The following RYR3 variants were observed in gnomAD, a reference collection of about 807,000 sequenced individuals.
RYR3 encodes ryanodine receptor 3, also known as brain ryanodine receptor-calcium release channel.
In RYR3, 207 loss-of-function variants were observed where a neutral mutation model predicts 584.3. The observed-to-expected ratio is 0.35, with a 90% CI of 0.32 to 0.40. The LOEUF is 0.40. Ranked by LOEUF, RYR3 falls within the 10% of genes least tolerant of loss-of-function variation. The probability of loss-of-function intolerance (pLI) is 1.00; values close to 1 mark genes in which losing one functional copy is unlikely to be tolerated. For missense variants in RYR3, 5,616 were observed against 6,089.2 expected (o/e 0.92, Z 2.59); for synonymous variants, 2,416 against 2,248.5 (o/e 1.07, Z -2.11).
intron 38 of RYR3, among the ~76,000 whole-genome samples, chr15:33,685,625 TC>T (rs2064952939): frequency 1.3e-5 from 2 of 152,290 alleles, no homozygotes; most frequent in Middle Eastern, 3.4e-3. Context: ...CTACCCCAAA[TC>T]AACAGAATAT....
rs1489748795 is a variant in RYR3, at chr15:33,601,413, C to T, written c.1789-6C>T. 6.2e-7 allele frequency: 1 copy of T among 1,611,622 alleles called. No individual in the cohort carries two copies. Among genetic ancestry groups the T allele is most frequent in the Non-Finnish European group, 8.5e-7 (1 of 1,179,022 alleles). On this transcript the variant is annotated splice_region_variant and splice_polypyrimidine_tract_variant and intron_variant, in intron 16 of 103. Coordinates refer to ENST00000634891, the MANE Select transcript of RYR3 (RefSeq NM_001036.6). ...CCTAAGGTTTGGTGGGTGTGTCCTG[C>T]TGCAGGTTCTGGATATCCTGTGCTC...
intron 65 of RYR3, among the ~76,000 whole-genome samples, chr15:33,780,744 C>G (rs2152901614): frequency 6.6e-6 from 1 of 152,260 alleles, no homozygotes; most frequent in Middle Eastern, 3.4e-3. Context: ...CTCTTCAAGT[C>G]CATGGAGAGG....
chr15:33,595,674 G>A (rs2059335858), intron 16 of RYR3, among the ~76,000 whole-genome samples: 1 of 152,128 alleles, frequency 6.6e-6, no homozygotes, highest in African/African-American at 2.4e-5. Context: ...CTGAAGATGA[G>A]CCTTCAATTG....
In RYR3 at chr15:33,649,056, T is replaced by G; in HGVS notation, c.3979-16T>G. On this transcript the variant is annotated splice_polypyrimidine_tract_variant and intron_variant, in intron 30 of 103. Transcript: ENST00000634891. Reference sequence around the variant, plus strand: ...GGGCTGGGGGCCATTGACTCCCCTCTGCGGTCTCTCCACAGCAGTGCTACT... The same window carrying G: ...GGGCTGGGGGCCATTGACTCCCCTCGGCGGTCTCTCCACAGCAGTGCTACT... 1.2e-6 allele frequency: 2 copies of G among 1,601,488 alleles called. No homozygotes were observed. The highest frequency in any genetic ancestry group is 1.7e-6 in the Non-Finnish European group (2 of 1,170,968).
intron 1 of RYR3, among the ~76,000 whole-genome samples, chr15:33,432,597 T>C (rs1266235730): frequency 2.0e-5 from 3 of 150,102 alleles, no homozygotes; most frequent in Admixed American, 6.6e-5. Flanking sequence ...ATTTTTCTTT[T>C]TTTCTTTCTT....
chr15:33,711,235 A>ATTTTTTTTTTTT (rs143373949), intron 43 of RYR3, among the ~76,000 whole-genome samples: 1 of 75,790 alleles, frequency 1.3e-5, no homozygotes. Flanking sequence ...TCTTTCTTTC[A>ATTTTTTTTTTTT]TTTTTTTTTT....
In RYR3 at chr15:33,533,349, C is replaced by T. The variant is rs183923528; in HGVS notation, c.393C>T (p.Asp131=). The change falls in exon 5 of 104, where the codon GAC becomes GAT. Residue 131 remains aspartate (D), a synonymous_variant. Coordinates refer to ENST00000634891, the MANE Select transcript of RYR3 (RefSeq NM_001036.6). ...TGACTACATCAAGATCCCAGACAGA[C>T]AAACTTGCCTTTGATGTAGGTCTAC... ...TCLTTSRSQT[D]KLAFDVGLRE... The T allele has an allele frequency of 3.1e-6, 5 of 1,609,236 alleles. No homozygotes were observed. In the Admixed American group the frequency reaches 8.4e-5, roughly 27 times the overall value.
At position 33,663,698 on chromosome 15, in the gene RYR3, C is replaced by A. The variant is rs1264054610; in HGVS notation, c.5580C>A (p.Ala1860=). ...TGAACATGTCTGCGGCCCTGACTGC[C>A]CGGAAGACCAAGGAGTTCCGCTCAC... ...QALNMSAALT[A]RKTKEFRSPP... Residue 1860 remains alanine (A), a synonymous_variant, in exon 36 of 104, where the codon GCC becomes GCA. Coordinates refer to ENST00000634891, the MANE Select transcript of RYR3 (RefSeq NM_001036.6). The A allele has an allele frequency of 1.2e-6, 2 of 1,610,980 alleles. No homozygotes were observed. The highest frequency in any genetic ancestry group is 1.7e-6 in the Non-Finnish European group (2 of 1,179,086).
At chr15:33,770,699 C>T (rs2073497998) in intron 62 of RYR3, among the ~76,000 whole-genome samples, 1 of 151,916 alleles carries the variant, frequency 6.6e-6, no homozygotes, top group African/African-American at 2.4e-5. Flanking sequence ...GAGGTCACTG[C>T]ACTCCAGCCT....
At chr15:33,325,791 CTCTTTTCATT>C (rs1969620790) in intron 1 of RYR3, among the ~76,000 whole-genome samples, 1 of 119,168 alleles carries the variant, frequency 8.4e-6, no homozygotes. Flanking sequence ...CTTTTCTTTT[CTCTTTTCATT>C]TCTTTTCTTC....
rs79797671 is a variant in RYR3 at position 33,376,370 on chromosome 15, T to C, written c.51+65274T>C. On this transcript the variant is annotated intron_variant, in intron 1 of 103. Transcript: ENST00000634891. ...AACAACTTGCTTATCCATTCCCCTC[T>C]GATGGACATTTGGATTTCCTGTTTA... Among the ~76,000 whole-genome samples the C allele has an allele frequency of 4.6e-3, 694 of 152,366 alleles. 19 individuals are homozygous for C. The highest frequency in any genetic ancestry group is 0.03 in the Admixed American group (456 of 15,302).
At chr15:33,554,291 CTTTTTTTTTT>C (rs71117147) in intron 10 of RYR3, among the ~76,000 whole-genome samples, 2 of 126,534 alleles carry the variant, frequency 1.6e-5, no homozygotes, top group East Asian at 2.3e-4. Context: ...CCTCCATTAT[CTTTTTTTTTT>C]TTTTTTTTTT....
intron 1 of RYR3, among the ~76,000 whole-genome samples, chr15:33,430,678 A>C (rs904544563): frequency 2.6e-5 from 4 of 152,196 alleles, no homozygotes; most frequent in Non-Finnish European, 5.9e-5. Flanking sequence ...TGTTATCTTC[A>C]GTTTCTATAA....
intron 1 of RYR3, among the ~76,000 whole-genome samples, chr15:33,471,736 A>G (rs1244657668): frequency 6.6e-6 from 1 of 151,688 alleles, no homozygotes; most frequent in African/African-American, 2.4e-5. Flanking sequence ...ACACATAACT[A>G]TTTCTCAATA....
chr15:33,648,742 G>A (rs892394930), intron 30 of RYR3, among the ~76,000 whole-genome samples: 2 of 152,220 alleles, frequency 1.3e-5, no homozygotes, highest in African/African-American at 4.8e-5. Context: ...AGGGCTCTGT[G>A]CTGCCATTCT....
intron 85 of RYR3, among the ~76,000 whole-genome samples, chr15:33,827,865 G>C (rs2077460714): frequency 1.3e-5 from 2 of 152,170 alleles, no homozygotes; most frequent in South Asian, 4.1e-4. Flanking sequence ...CAGTAAAAGG[G>C]GTAGGACCTA....
intron 16 of RYR3, among the ~76,000 whole-genome samples, chr15:33,597,036 C>T (rs546355055): frequency 1.3e-5 from 2 of 152,206 alleles, no homozygotes; most frequent in South Asian, 2.1e-4. Context: ...CTAAAGCCAC[C>T]GGATTAGAAG....
At chr15:33,543,492 G>A in intron 7 of RYR3, 130 bp from the exon 8 acceptor site, 2 of 696,796 alleles carry the variant, frequency 2.9e-6, no homozygotes, top group Non-Finnish European at 2.6e-6. Context: ...GGAATATGTA[G>A]TTATCAAAAT....
chr15:33,328,775 T>A (rs1246183344), intron 1 of RYR3, among the ~76,000 whole-genome samples: 1 of 152,190 alleles, frequency 6.6e-6, no homozygotes, highest in Admixed American at 6.5e-5. Context: ...TTCAAATATG[T>A]CTAAACTTGT....
Sources: allele counts gnomAD v4.1 joint callset (sites outside exome capture counted in the v4.1 genomes callset), GRCh38; gene constraint gnomAD v4.1.1; transcripts MANE v1.5; gene names NCBI Gene and HGNC (gene_info 2026-07-23, HGNC 2026-07-21).